Variants in PTPRK observed in about 807,000 individuals in gnomAD.
PTPRK encodes the protein protein tyrosine phosphatase receptor type K, also known as receptor-type tyrosine-protein phosphatase kappa.
In PTPRK, 75 loss-of-function variants were observed where a neutral mutation model predicts 178.0. The ratio of observed to expected loss-of-function variants is 0.42; its 90% CI spans 0.35 to 0.51. The LOEUF (loss-of-function observed/expected upper bound fraction) is 0.51. PTPRK is among the 20% of genes least tolerant of loss of function. The pLI is 0.02. For missense variants in PTPRK, 1,441 were observed against 1,797.8 expected (o/e 0.80, Z 3.59); for synonymous variants, 637 against 620.6 (o/e 1.03, Z -0.39).
chr6:128,046,521 C>T (rs2114855379), intron 13 of PTPRK, among the ~76,000 whole-genome samples: 1 of 152,250 alleles, frequency 6.6e-6, no homozygotes, highest in Middle Eastern at 3.4e-3. Flanking sequence ...TTGATCCTAA[C>T]TTCCATCCCT....
At chr6:128,283,692 C>G (rs1008417704) in intron 3 of PTPRK, among the ~76,000 whole-genome samples, 1 of 151,934 alleles carries the variant, frequency 6.6e-6, no homozygotes, top group African/African-American at 2.4e-5. Context: ...AAATCAAGAG[C>G]ATTTATTATA....
chr6:128,303,620 A>G (rs969551926), intron 3 of PTPRK, among the ~76,000 whole-genome samples: 6 of 152,220 alleles, frequency 3.9e-5, no homozygotes, highest in Admixed American at 2.0e-4. Flanking sequence ...CTCTAAGTAG[A>G]TAGGACTCTT....
At chr6:128,100,328 T>C (rs1788582870) in intron 7 of PTPRK, among the ~76,000 whole-genome samples, 1 of 151,942 alleles carries the variant, frequency 6.6e-6, no homozygotes, top group Non-Finnish European at 1.5e-5. Context: ...TGAAGACAAA[T>C]TTTTTTAAAT....
intron 27 of PTPRK, among the ~76,000 whole-genome samples, chr6:127,976,319 C>T (rs191776878): frequency 7.7e-4 from 117 of 152,148 alleles, no homozygotes; most frequent in African/African-American, 2.6e-3. Context: ...CATTTCTGGG[C>T]TGGATGTCAA....
intron 3 of PTPRK, among the ~76,000 whole-genome samples, chr6:128,299,774 AG>A (rs1489229386): frequency 6.6e-6 from 1 of 152,194 alleles, no homozygotes; most frequent in Non-Finnish European, 1.5e-5. Flanking sequence ...AAACCCCAGA[AG>A]AAAACCTAGG....
At chr6:128,181,828 C>T (rs1020755765) in intron 7 of PTPRK, among the ~76,000 whole-genome samples, 3 of 152,066 alleles carry the variant, frequency 2.0e-5, no homozygotes, top group African/African-American at 7.2e-5. Context: ...AACTAACACT[C>T]TGTATTTAAT....
rs533271590 is a variant in PTPRK, at chr6:128,479,040, T to C, written c.100+41219A>G. ...GTTCTCAGTGGGCAGGGGGATAGAT[T>C]TGAAGCTGGAATAAAGCCTCAGCAA... is the stretch of plus-strand genomic sequence containing the variant. On this transcript the variant is annotated intron_variant, in intron 1 of 29. Transcript: ENST00000368226. Among the ~76,000 whole-genome samples the C allele has an allele frequency of 6.6e-5, 10 of 152,108 alleles. No individual in the cohort carries two copies. The South Asian group carries it at 1.9e-3, about 28-fold the overall frequency.
chr6:128,359,041 T>A (rs770471757), intron 2 of PTPRK, among the ~76,000 whole-genome samples: 2 of 152,174 alleles, frequency 1.3e-5, no homozygotes, highest in African/African-American at 2.4e-5. Context: ...CTGTAGACAA[T>A]ACCCTAATTG....
intron 11 of PTPRK, among the ~76,000 whole-genome samples, chr6:128,070,815 T>C (rs1248986771): frequency 6.6e-6 from 1 of 151,658 alleles, no homozygotes; most frequent in Non-Finnish European, 1.5e-5. Context: ...AAACGCCCAT[T>C]ATCCTATTTG....
intron 3 of PTPRK, 122 bp from the exon 4 acceptor site, chr6:128,242,724 T>C: frequency 7.3e-7 from 1 of 1,371,814 alleles, no homozygotes; most frequent in Non-Finnish European, 9.6e-7. Context: ...ATTAAAAATT[T>C]AACCTTATAA....
At chr6:128,412,668 A>T (rs1842435319) in intron 1 of PTPRK, among the ~76,000 whole-genome samples, 1 of 152,226 alleles carries the variant, frequency 6.6e-6, no homozygotes, top group African/African-American at 2.4e-5. Context: ...CAGAAAGAAG[A>T]TACATTTTTG....
chr6:128,283,430 T>C (rs1350510176), intron 3 of PTPRK, among the ~76,000 whole-genome samples: 3 of 152,174 alleles, frequency 2.0e-5, no homozygotes. Flanking sequence ...AAGCCAAATG[T>C]AAGGTAATTC....
At chr6:128,219,581 C>G (rs1810024137) in intron 5 of PTPRK, among the ~76,000 whole-genome samples, 1 of 152,186 alleles carries the variant, frequency 6.6e-6, no homozygotes, top group South Asian at 2.1e-4. Flanking sequence ...AGTTTGCAGC[C>G]TGGGGGTTGG....
At chr6:128,239,702 A>T (rs912470979) in intron 5 of PTPRK, among the ~76,000 whole-genome samples, 8 of 152,212 alleles carry the variant, frequency 5.3e-5, no homozygotes, top group African/African-American at 1.9e-4. Context: ...ATTCAGTTTT[A>T]AAAATATTAT....
intron 7 of PTPRK, among the ~76,000 whole-genome samples, chr6:128,142,556 A>G (rs554697579): frequency 6.6e-6 from 1 of 151,676 alleles, no homozygotes; most frequent in Non-Finnish European, 1.5e-5. Context: ...TACATAATAT[A>G]TATATACACA....
chr6:128,321,652 A>G (rs761090082), intron 3 of PTPRK: 20 of 610,364 alleles, frequency 3.3e-5, no homozygotes, highest in Non-Finnish European at 4.9e-5. Context: ...TCCAGTCTGA[A>G]GATTACAATA....
chr6:127,995,514 T>C lies in PTPRK; in HGVS notation c.2792A>G (p.Gln931Arg). Reference sequence around the variant, plus strand: ...TGAGGAAGGATCATCCTCTACGGGTTGCAAAATCACTCTGGAGTGATCATC... The same window carrying C: ...TGAGGAAGGATCATCCTCTACGGGTCGCAAAATCACTCTGGAGTGATCATC... ...IAYDHSRVILQPVEDDPSSDY... is the reference protein window; with the variant it reads ...IAYDHSRVILRPVEDDPSSDY... The change falls in exon 18 of 30, where the codon CAA becomes CGA. Residue 931 changes from glutamine to arginine, a missense_variant. Transcript: ENST00000368226. 6.3e-7 allele frequency: 1 copy of C among 1,597,338 alleles called. No homozygotes were observed. The highest frequency in any genetic ancestry group is 8.5e-7 in the Non-Finnish European group (1 of 1,170,206).
At chr6:128,381,057 G>A (rs1025119547) in intron 2 of PTPRK, among the ~76,000 whole-genome samples, 1 of 152,110 alleles carries the variant, frequency 6.6e-6, no homozygotes, top group Non-Finnish European at 1.5e-5. Flanking sequence ...TGCAGTGTGA[G>A]ATACTTTTAA....
chr6:128,292,109 A>G (rs1230592118), intron 3 of PTPRK, among the ~76,000 whole-genome samples: 1 of 152,144 alleles, frequency 6.6e-6, no homozygotes, highest in African/African-American at 2.4e-5. Context: ...ATCCGTAGGT[A>G]TCAATAAGAT....
Sources: gnomAD v4.1 joint callset for allele counts (sites outside exome capture counted in the v4.1 genomes callset) on GRCh38, gnomAD v4.1.1 for gene constraint, MANE v1.5 for transcripts, NCBI Gene and HGNC (gene_info 2026-07-23, HGNC 2026-07-21) for gene names.